SORCS3: variants seen among roughly 807,000 people sequenced by gnomAD.
SORCS3 encodes the protein sortilin related VPS10 domain containing receptor 3.
Under a neutral mutation model 146.3 loss-of-function variants are expected in SORCS3, and 57 were observed. That is an observed-to-expected ratio of 0.39 (90% CI 0.31 to 0.49). SORCS3 has a LOEUF of 0.49. Ranked by LOEUF, SORCS3 falls within the 20% of genes least tolerant of loss-of-function variation. The pLI is 0.92. For missense variants in SORCS3, 1,341 were observed against 1,575.5 expected (o/e 0.85, Z 2.52); for synonymous variants, 653 against 618.5 (o/e 1.06, Z -0.83).
chr10:105,230,882 T>C (rs368305650), intron 20 of SORCS3, among the ~76,000 whole-genome samples: 1 of 152,150 alleles, frequency 6.6e-6, no homozygotes, highest in Non-Finnish European at 1.5e-5. Flanking sequence ...GAACTCAGTG[T>C]GAGCTCCCTC....
chr10:104,763,789 G>A (rs188134145), intron 1 of SORCS3, among the ~76,000 whole-genome samples: 243 of 152,294 alleles, frequency 1.6e-3, no homozygotes, highest in Middle Eastern at 0.01. Flanking sequence ...AGGTAATTGA[G>A]TCATGGGGGT....
chr10:105,226,441 T>G (rs2119678902), intron 20 of SORCS3, among the ~76,000 whole-genome samples: 1 of 152,192 alleles, frequency 6.6e-6, no homozygotes, highest in East Asian at 1.9e-4. Context: ...TCTGACGTGC[T>G]GTTGGATTCA....
At chr10:105,097,497 C>G (rs1317113351) in intron 6 of SORCS3, among the ~76,000 whole-genome samples, 1 of 152,122 alleles carries the variant, frequency 6.6e-6, no homozygotes, top group Non-Finnish European at 1.5e-5. Context: ...ATTTAAGAGG[C>G]AATTAAGTGT....
chr10:105,223,027 A>G, intron 19 of SORCS3, 89 bp from the exon 20 acceptor site: 4 of 1,364,464 alleles, frequency 2.9e-6, no homozygotes, highest in Non-Finnish European at 3.0e-6. Context: ...GGAGATGCGA[A>G]TAGAATTTAA....
At chr10:105,009,654 T>A (rs2133679992) in intron 4 of SORCS3, among the ~76,000 whole-genome samples, 2 of 152,160 alleles carry the variant, frequency 1.3e-5, no homozygotes, top group Middle Eastern at 6.8e-3. Context: ...TTGATTAATG[T>A]TTGATTGTAT....
chr10:104,796,252 A>G (rs533426061), intron 1 of SORCS3, among the ~76,000 whole-genome samples: 1 of 152,234 alleles, frequency 6.6e-6, no homozygotes, highest in African/African-American at 2.4e-5. Context: ...TAGAACGCTA[A>G]GTGGTATTTT....
At chr10:104,685,637 C>G (rs2016035205) in intron 1 of SORCS3, among the ~76,000 whole-genome samples, 1 of 152,202 alleles carries the variant, frequency 6.6e-6, no homozygotes, top group Admixed American at 6.5e-5. Context: ...GCCCACCTTC[C>G]CCATCTTTAA....
chr10:104,798,023 A>G (rs2017577918), intron 1 of SORCS3, among the ~76,000 whole-genome samples: 1 of 152,224 alleles, frequency 6.6e-6, no homozygotes, highest in African/African-American at 2.4e-5. Flanking sequence ...GAGATGGTGC[A>G]TAATCCCATA....
intron 1 of SORCS3, among the ~76,000 whole-genome samples, chr10:104,693,224 G>C (rs556180469): frequency 6.6e-6 from 1 of 152,282 alleles, no homozygotes; most frequent in Admixed American, 6.5e-5. Flanking sequence ...CACTTGTGCA[G>C]CCAGGAGACA....
chr10:104,918,638 G>A (rs74508761), intron 3 of SORCS3, among the ~76,000 whole-genome samples: 1,800 of 152,252 alleles, frequency 0.012, 44 homozygotes, highest in African/African-American at 0.04. Context: ...CAGGTTAGGA[G>A]CAGCCTTGTC....
chr10:104,915,763 G>A, intron 2 of SORCS3, 70 bp from the exon 3 acceptor site: 1 of 1,319,398 alleles, frequency 7.6e-7, no homozygotes, highest in Admixed American at 1.7e-5. Flanking sequence ...GGAGAACCTG[G>A]CTTCCCTTTA....
intron 1 of SORCS3, among the ~76,000 whole-genome samples, chr10:104,737,240 A>C (rs374466183): frequency 5.1e-4 from 78 of 151,944 alleles, no homozygotes; most frequent in Admixed American, 2.4e-3. Flanking sequence ...AATAAACATA[A>C]GTGTGCATGT....
At chr10:104,841,545 T>C (rs1462171582) in intron 1 of SORCS3, among the ~76,000 whole-genome samples, 1 of 152,206 alleles carries the variant, frequency 6.6e-6, no homozygotes, top group Non-Finnish European at 1.5e-5. Flanking sequence ...TCTTGGTTTA[T>C]ATAGAAGAAA....
chr10:105,248,028 G>A (rs905621976), intron 22 of SORCS3, among the ~76,000 whole-genome samples: 13 of 152,180 alleles, frequency 8.5e-5, no homozygotes, highest in African/African-American at 2.7e-4. Flanking sequence ...GCCACAGATT[G>A]CACTCAGAAG....
At chr10:104,803,836 G>C (rs1025168655) in intron 1 of SORCS3, among the ~76,000 whole-genome samples, 11 of 152,066 alleles carry the variant, frequency 7.2e-5, no homozygotes, top group African/African-American at 2.7e-4. Context: ...CTCTTCCTTG[G>C]AGAGTCCTCT....
intron 3 of SORCS3, among the ~76,000 whole-genome samples, chr10:104,933,706 G>T (rs1181567390): frequency 1.3e-5 from 2 of 152,176 alleles, no homozygotes; most frequent in Non-Finnish European, 2.9e-5. Context: ...TAACATCTCT[G>T]CTATTTATTA....
chr10:105,113,080 C>A (rs1047178903), intron 7 of SORCS3, among the ~76,000 whole-genome samples: 2 of 152,180 alleles, frequency 1.3e-5, no homozygotes, highest in African/African-American at 2.4e-5. Context: ...TCAAACGGAG[C>A]AACTCTGCTT....
chr10:105,075,174 G>A (rs1231169218), intron 5 of SORCS3, among the ~76,000 whole-genome samples: 1 of 152,106 alleles, frequency 6.6e-6, no homozygotes, highest in Non-Finnish European at 1.5e-5. Context: ...GTGGCATGGT[G>A]GCTCATCTGA....
At chr10:104,642,882 A>G (rs1253831227) in intron 1 of SORCS3, among the ~76,000 whole-genome samples, 1 of 152,136 alleles carries the variant, frequency 6.6e-6, no homozygotes, top group African/African-American at 2.4e-5. Context: ...CTACTCCGGC[A>G]TTCCGAACTG....
Sources: gnomAD v4.1 joint callset for allele counts (sites outside exome capture counted in the v4.1 genomes callset) on GRCh38, gnomAD v4.1.1 for gene constraint, MANE v1.5 for transcripts, NCBI Gene and HGNC (gene_info 2026-07-23, HGNC 2026-07-21) for gene names.